SNX2: variants seen among roughly 807,000 people sequenced by gnomAD.
SNX2 encodes the protein sorting nexin 2, also known as sorting nexin-2.
Under a neutral mutation model 69.9 loss-of-function variants are expected in SNX2, and 25 were observed. The ratio of observed to expected loss-of-function variants is 0.36; its 90% CI spans 0.26 to 0.50. The LOEUF (loss-of-function observed/expected upper bound fraction) is 0.50. Ranked by LOEUF, SNX2 falls within the 20% of genes least tolerant of loss-of-function variation. SNX2 has a pLI of 0.97. For missense variants in SNX2, 551 were observed against 613.3 expected (o/e 0.90, Z 1.07); for synonymous variants, 229 against 200.4 (o/e 1.14, Z -1.20).
intron 1 of SNX2, among the ~76,000 whole-genome samples, chr5:122,792,546 G>A (rs1380673463): frequency 6.6e-6 from 1 of 150,654 alleles, no homozygotes; most frequent in Non-Finnish European, 1.5e-5. Context: ...ACAGTGAGCC[G>A]AGATCGTGCC....
intron 11 of SNX2, among the ~76,000 whole-genome samples, chr5:122,822,040 A>G (rs1754037129): frequency 6.6e-6 from 1 of 152,156 alleles, no homozygotes; most frequent in Non-Finnish European, 1.5e-5. Flanking sequence ...GTAAGTTGCC[A>G]TTTACTTAGT....
chr5:122,775,188 AC>A lies in SNX2; in HGVS notation c.87del (p.Ser30AlafsTer6). On this transcript the variant is annotated frameshift_variant, in exon 1 of 15. Transcript: ENST00000379516. LOFTEE classifies it high-confidence loss of function. ...TCTGGAGGACGGAGAGGACCTGTTC[AC>A]CAGCACTGTCTCCACCCTAGAGGTG... ...EDLEDGEDLF[T>X]STVSTLESSP... The A allele has an allele frequency of 6.3e-7, 1 of 1,589,488 alleles. No homozygotes were observed. Among genetic ancestry groups the A allele is most frequent in the Non-Finnish European group, 8.6e-7 (1 of 1,169,582 alleles).
chr5:122,807,139 G>A (rs1272866081), intron 6 of SNX2, among the ~76,000 whole-genome samples: 1 of 152,056 alleles, frequency 6.6e-6, no homozygotes, highest in African/African-American at 2.4e-5. Flanking sequence ...TTAGCTGGGT[G>A]TGGTGGTGCG....
intron 2 of SNX2, chr5:122,795,641 T>G (rs537774038): frequency 3.4e-6 from 1 of 291,714 alleles, no homozygotes; most frequent in South Asian, 9.0e-5. Flanking sequence ...GGGGCAGTAT[T>G]TAGATGCAAA....
chr5:122,804,217 A>G (rs750650670), intron 6 of SNX2, among the ~76,000 whole-genome samples: 2 of 152,158 alleles, frequency 1.3e-5, no homozygotes, highest in Non-Finnish European at 2.9e-5. Context: ...CTGAGTCACA[A>G]TCAGAGAATA....
chr5:122,798,631 T>G (rs1753439976), intron 2 of SNX2, among the ~76,000 whole-genome samples: 1 of 152,198 alleles, frequency 6.6e-6, no homozygotes, highest in Non-Finnish European at 1.5e-5. Flanking sequence ...GGTCCTGCCT[T>G]CCTTTCCTAG....
At chr5:122,810,860 G>T (rs1303759250) in intron 7 of SNX2, among the ~76,000 whole-genome samples, 4 of 152,106 alleles carry the variant, frequency 2.6e-5, no homozygotes, top group Admixed American at 6.5e-5. Flanking sequence ...GAAAATATAG[G>T]CATAAAGGTG....
chr5:122,807,302 A>G (rs977670070), intron 6 of SNX2, among the ~76,000 whole-genome samples: 10 of 152,094 alleles, frequency 6.6e-5, no homozygotes, highest in Admixed American at 5.9e-4. Context: ...ACTGGCTTTT[A>G]ATATATTAAG....
intron 7 of SNX2, among the ~76,000 whole-genome samples, chr5:122,812,739 T>G (rs1350167992): frequency 6.6e-6 from 1 of 152,214 alleles, no homozygotes; most frequent in Non-Finnish European, 1.5e-5. Flanking sequence ...CTCACTGATG[T>G]GTTCCAAGTA....
At chr5:122,829,145 C>T (rs1034354087) in intron 14 of SNX2, among the ~76,000 whole-genome samples, 3 of 151,936 alleles carry the variant, frequency 2.0e-5, no homozygotes, top group Admixed American at 2.0e-4. Context: ...AAAACCCAGA[C>T]GTTAGTAAAT....
At chr5:122,798,540 A>G (rs774528720) in intron 2 of SNX2, among the ~76,000 whole-genome samples, 6 of 152,168 alleles carry the variant, frequency 3.9e-5, no homozygotes, top group South Asian at 2.1e-4. Flanking sequence ...TTCACTGACT[A>G]TCATTACCAC....
chr5:122,778,426 C>T (rs1267896756), intron 1 of SNX2, among the ~76,000 whole-genome samples: 1 of 152,154 alleles, frequency 6.6e-6, no homozygotes, highest in East Asian at 1.9e-4. Context: ...ATACTAATTA[C>T]GTTCCCATCA....
intron 1 of SNX2, chr5:122,775,583 G>C (rs566347069): frequency 2.0e-6 from 2 of 996,282 alleles, no homozygotes; most frequent in Non-Finnish European, 1.2e-6. Context: ...CTCTTTTGAA[G>C]GGGTGCTCGC....
intron 6 of SNX2, among the ~76,000 whole-genome samples, chr5:122,806,257 A>G (rs1414047411): frequency 1.3e-5 from 2 of 152,132 alleles, no homozygotes; most frequent in East Asian, 3.8e-4. Flanking sequence ...AATGTAGTCA[A>G]ATAGTAATAT....
chr5:122,801,157 G>A (rs1477179391), intron 3 of SNX2, among the ~76,000 whole-genome samples: 1 of 152,088 alleles, frequency 6.6e-6, no homozygotes, highest in Admixed American at 6.6e-5. Flanking sequence ...GTATTAAAGG[G>A]TAGAGAGAGA....
intron 7 of SNX2, among the ~76,000 whole-genome samples, chr5:122,813,026 A>G (rs914006269): frequency 6.6e-6 from 1 of 152,232 alleles, no homozygotes; most frequent in Non-Finnish European, 1.5e-5. Context: ...AAGAACAATT[A>G]CTGAGCACCT....
At chr5:122,829,527 T>C in intron 14 of SNX2, 71 bp from the exon 15 acceptor site, 1 of 1,239,532 alleles carries the variant, frequency 8.1e-7, no homozygotes, top group Non-Finnish European at 1.2e-6. Context: ...TTTTTAATGC[T>C]GTACAGGATA....
chr5:122,825,456 G>T (rs1051356480), intron 11 of SNX2, among the ~76,000 whole-genome samples: 1 of 151,812 alleles, frequency 6.6e-6, no homozygotes, highest in African/African-American at 2.4e-5. Context: ...TATTTCTTTA[G>T]TTCTGCAGTG....
At chr5:122,819,625 G>A (rs962772592) in intron 11 of SNX2, among the ~76,000 whole-genome samples, 1 of 152,192 alleles carries the variant, frequency 6.6e-6, no homozygotes, top group Admixed American at 6.5e-5. Context: ...GCAGATATCT[G>A]CAGTTTTCAG....
Sources: allele counts gnomAD v4.1 joint callset (sites outside exome capture counted in the v4.1 genomes callset), GRCh38; gene constraint gnomAD v4.1.1; transcripts MANE v1.5; gene names NCBI Gene and HGNC (gene_info 2026-07-23, HGNC 2026-07-21).